The following CLYBL variants were observed in gnomAD, a reference collection of about 807,000 sequenced individuals.
CLYBL encodes citramalyl-CoA lyase, mitochondrial.
Under a neutral mutation model 38.9 loss-of-function variants are expected in CLYBL, and 31 were observed. The ratio of observed to expected loss-of-function variants is 0.80; its 90% CI spans 0.60 to 1.08. The LOEUF (loss-of-function observed/expected upper bound fraction) is 1.08. Among genes scored for constraint, CLYBL ranks in the 50% least tolerant of loss-of-function variants. The pLI, the probability that CLYBL is intolerant of heterozygous loss-of-function variation, is 0.00. For missense variants in CLYBL, 434 were observed against 411.6 expected (o/e 1.05, Z -0.47); for synonymous variants, 171 against 158.6 (o/e 1.08, Z -0.59).
chr13:99,851,900 A>G (rs1333259324), intron 2 of CLYBL, among the ~76,000 whole-genome samples: 1 of 152,226 alleles, frequency 6.6e-6, no homozygotes, highest in Non-Finnish European at 1.5e-5. Flanking sequence ...TTGAATGTCC[A>G]CGGCAGCATT....
chr13:99,718,793 A>G (rs1319431785), intron 1 of CLYBL, among the ~76,000 whole-genome samples: 5 of 151,982 alleles, frequency 3.3e-5, no homozygotes, highest in Non-Finnish European at 7.4e-5. Context: ...CCTAGTTTCT[A>G]TCTTGTTTGA....
intron 1 of CLYBL, among the ~76,000 whole-genome samples, chr13:99,731,103 AAAAG>A (rs1216211323): frequency 6.6e-6 from 1 of 150,922 alleles, no homozygotes; most frequent in African/African-American, 2.4e-5. Context: ...AAAAAAAAAA[AAAAG>A]GCGGGGGCTT....
At chr13:99,614,680 C>G (rs1336515293) in intron 1 of CLYBL, among the ~76,000 whole-genome samples, 2 of 152,146 alleles carry the variant, frequency 1.3e-5, no homozygotes, top group Non-Finnish European at 2.9e-5. Flanking sequence ...TCCTACATAC[C>G]GTTATCCTGT....
intron 1 of CLYBL, among the ~76,000 whole-genome samples, chr13:99,667,428 T>A (rs2047498019): frequency 1.8e-5 from 2 of 110,778 alleles, no homozygotes; most frequent in African/African-American, 3.1e-5. Flanking sequence ...ACTTAAAGAA[T>A]CTTGCTTTTT....
downstream of CLYBL, chr13:99,892,690 C>T (rs1429500339): frequency 6.6e-6 from 1 of 152,592 alleles, no homozygotes; most frequent in Non-Finnish European, 1.5e-5. Flanking sequence ...GCGGGGAAGG[C>T]TGTTCTGTTT....
intron 1 of CLYBL, among the ~76,000 whole-genome samples, chr13:99,643,818 C>G (rs2047130905): frequency 6.6e-6 from 1 of 151,826 alleles, no homozygotes; most frequent in African/African-American, 2.4e-5. Context: ...CCAGCCTGAC[C>G]AACATGGTGA....
intron 2 of CLYBL, among the ~76,000 whole-genome samples, chr13:99,846,382 G>T (rs1265399302): frequency 6.8e-6 from 1 of 146,820 alleles, no homozygotes; most frequent in Non-Finnish European, 1.5e-5. Context: ...AGCTCCGCCT[G>T]TGTGGAGATA....
rs146089551 is a variant in CLYBL, at chr13:99,644,986, G to A, written c.62+38229G>A. Among the ~76,000 whole-genome samples the A allele has an allele frequency of 5.3e-3, 813 of 152,306 alleles. 11 individuals carry two copies. The highest frequency in any genetic ancestry group is 0.018 in the African/African-American group (765 of 41,568). On this transcript the variant is annotated intron_variant, in intron 1 of 8. Coordinates refer to ENST00000339105, the MANE Select transcript of CLYBL (RefSeq NM_206808.5). ...ATACTGCTGCAATAAACATGGGAGT[G>A]CAGATATCTCTTCAATACACTGCCT...
intron 1 of CLYBL, chr13:99,726,492 T>G (rs2048474237): frequency 6.6e-6 from 1 of 152,154 alleles, no homozygotes; most frequent in Admixed American, 6.5e-5. Flanking sequence ...ATTGTGTGAT[T>G]GATAGATTTC....
chr13:99,906,869 C>T (rs2038695), intron 9 of CLYBL, among the ~76,000 whole-genome samples: 1 of 152,004 alleles, frequency 6.6e-6, no homozygotes, highest in Non-Finnish European at 1.5e-5. Flanking sequence ...AGCCCCACAG[C>T]GGGTGGCTTG....
chr13:99,903,311 C>T (rs2052661200), intron 8 of CLYBL, among the ~76,000 whole-genome samples: 1 of 152,162 alleles, frequency 6.6e-6, no homozygotes, highest in Non-Finnish European at 1.5e-5. Flanking sequence ...CTTGAAGGTG[C>T]TCCCCCAGCA....
intron 1 of CLYBL, among the ~76,000 whole-genome samples, chr13:99,684,186 ATTTTT>A (rs965852345): frequency 9.3e-6 from 1 of 108,028 alleles, no homozygotes; most frequent in Admixed American, 9.3e-5. Flanking sequence ...GGCATGTTTG[ATTTTT>A]TTTTTTTTTT....
intron 1 of CLYBL, among the ~76,000 whole-genome samples, chr13:99,646,087 T>C (rs2047172600): frequency 1.3e-5 from 2 of 152,200 alleles, no homozygotes; most frequent in South Asian, 4.1e-4. Context: ...TTTTGTGAGC[T>C]ATCCTGAGGT....
intron 1 of CLYBL, among the ~76,000 whole-genome samples, chr13:99,689,240 C>T (rs1394132439): frequency 6.6e-6 from 1 of 152,208 alleles, no homozygotes; most frequent in Admixed American, 6.5e-5. Context: ...CTTCAGGATT[C>T]CAGAAGCATA....
chr13:99,727,067 G>C (rs959805207), intron 1 of CLYBL, among the ~76,000 whole-genome samples: 1 of 151,932 alleles, frequency 6.6e-6, no homozygotes, highest in Non-Finnish European at 1.5e-5. Flanking sequence ...GCTGAGGCAG[G>C]TGAATCACTT....
intron 1 of CLYBL, among the ~76,000 whole-genome samples, chr13:99,770,609 G>A (rs1239164206): frequency 1.3e-5 from 2 of 151,924 alleles, no homozygotes; most frequent in Admixed American, 6.6e-5. Context: ...GAGCCACCGC[G>A]CCCGGTCTGG....
intron 1 of CLYBL, among the ~76,000 whole-genome samples, chr13:99,611,316 T>C (rs2046623111): frequency 6.6e-6 from 1 of 152,250 alleles, no homozygotes. Context: ...AGGTCCTTTT[T>C]CTGTAGTTTT....
rs34063235 is a variant in CLYBL at position 99,880,068 on chromosome 13, A to ATATTT, written c.927+9007_927+9008insATTTT. ...TGTGTATGTATATATATATATATAT[A>ATATTT]TTTTTTTTTTTTTTTTTGAGACAGA... On this transcript the variant is annotated intron_variant, in intron 7 of 8. Transcript: ENST00000339105. Among the ~76,000 whole-genome samples, 505 of 101,168 alleles carry ATATTT rather than the reference A, an allele frequency of 5.0e-3. 5 individuals are homozygous for ATATTT. Among genetic ancestry groups the ATATTT allele is most frequent in the African/African-American group, 0.018 (440 of 24,666 alleles). The allele number at this position is 101,168 out of a possible 152,430, so 66.4% of individuals were successfully genotyped here.
At chr13:99,762,150 G>A (rs138389222) in intron 1 of CLYBL, among the ~76,000 whole-genome samples, 2,778 of 152,008 alleles carry the variant, frequency 0.018, 56 homozygotes, top group Non-Finnish European at 0.027. Flanking sequence ...CCTTTGCTGC[G>A]CAGAAGTTTT....
Sources: allele counts gnomAD v4.1 joint callset (sites outside exome capture counted in the v4.1 genomes callset), GRCh38; gene constraint gnomAD v4.1.1; transcripts MANE v1.5; gene names NCBI Gene and HGNC (gene_info 2026-07-23, HGNC 2026-07-21).